The following LDB2 variants were observed in gnomAD, a reference collection of about 807,000 sequenced individuals.
The protein encoded by LDB2 is LIM domain binding 2, also known as LIM domain-binding protein 2.
LDB2 carries 12 observed loss-of-function variants against 44.3 expected under a neutral mutation model. The ratio of observed to expected loss-of-function variants is 0.27; its 90% CI spans 0.17 to 0.44. The LOEUF (loss-of-function observed/expected upper bound fraction) is 0.44. LDB2 is among the 20% of genes least tolerant of loss of function. The probability of loss-of-function intolerance (pLI) is 1.00; values close to 1 mark genes in which losing one functional copy is unlikely to be tolerated. For missense variants in LDB2, 344 were observed against 473.5 expected (o/e 0.73, Z 2.54); for synonymous variants, 164 against 174.8 (o/e 0.94, Z 0.49).
intron 1 of LDB2, chr4:16,826,358 C>G (rs1382561681): frequency 6.6e-6 from 1 of 152,112 alleles, no homozygotes; most frequent in African/African-American, 2.4e-5. Context: ...TAAACAAAAG[C>G]AAAAGGACAA....
chr4:16,640,314 A>T (rs1030038944), intron 2 of LDB2, among the ~76,000 whole-genome samples: 1 of 152,230 alleles, frequency 6.6e-6, no homozygotes, highest in African/African-American at 2.4e-5. Context: ...AGAGAACTGT[A>T]ATATAAGCTA....
chr4:16,771,687 C>G (rs1427870285), intron 1 of LDB2, among the ~76,000 whole-genome samples: 5 of 152,188 alleles, frequency 3.3e-5, no homozygotes, highest in Non-Finnish European at 5.9e-5. Flanking sequence ...AATCTGTCAG[C>G]AAATCCCATG....
At chr4:16,562,959 C>T (rs932447861) in intron 5 of LDB2, among the ~76,000 whole-genome samples, 6 of 151,700 alleles carry the variant, frequency 4.0e-5, no homozygotes, top group South Asian at 2.1e-4. Context: ...AGTAAACTAT[C>T]GCAAGGACAA....
intron 2 of LDB2, among the ~76,000 whole-genome samples, chr4:16,605,578 C>G (rs1723711341): frequency 6.6e-6 from 1 of 152,222 alleles, no homozygotes; most frequent in African/African-American, 2.4e-5. Context: ...ACAGAATTAT[C>G]AAACTCCCTT....
chr4:16,820,731 C>G (rs74613789), intron 1 of LDB2, among the ~76,000 whole-genome samples: 2,680 of 152,140 alleles, frequency 0.018, 87 homozygotes, highest in African/African-American at 0.056. Context: ...ACTCTAATCC[C>G]TTTTGTTCCA....
rs1716754668 is a variant in LDB2, at chr4:16,871,897, C to A, written c.132+26457G>T. 2.0e-5 allele frequency among the ~76,000 whole-genome samples: 3 copies of A among 152,276 alleles called. No homozygotes were observed. The South Asian group carries it at 6.2e-4, about 32-fold the overall frequency. ...TCGGCCTCCCAAAGTGCTGGGATTACAGGTGTGAGCTACCGCGCCCAGCCC... is the reference window on the plus strand; with the variant it reads ...TCGGCCTCCCAAAGTGCTGGGATTAAAGGTGTGAGCTACCGCGCCCAGCCC... On this transcript the variant is annotated intron_variant, in intron 1 of 7. Transcript: ENST00000304523.
intron 1 of LDB2, among the ~76,000 whole-genome samples, chr4:16,822,120 A>G (rs1002035496): frequency 3.9e-5 from 6 of 152,162 alleles, no homozygotes; most frequent in Non-Finnish European, 8.8e-5. Flanking sequence ...TTAAAAAAAA[A>G]AAAAAGTTGA....
chr4:16,883,930 C>T, intron 1 of LDB2, among the ~76,000 whole-genome samples: 1 of 152,232 alleles, frequency 6.6e-6, no homozygotes, highest in Admixed American at 6.5e-5. Flanking sequence ...CCATGAAAAT[C>T]CATCCTTTGC....
chr4:16,805,282 C>T (rs951970027), intron 1 of LDB2, among the ~76,000 whole-genome samples: 3 of 152,186 alleles, frequency 2.0e-5, no homozygotes, highest in African/African-American at 7.2e-5. Flanking sequence ...GCATTCGGTC[C>T]ATAATGTGGA....
chr4:16,604,222 T>C (rs2152454981), intron 2 of LDB2, among the ~76,000 whole-genome samples: 1 of 152,316 alleles, frequency 6.6e-6, no homozygotes, highest in Middle Eastern at 3.4e-3. Flanking sequence ...CTTAAGATCC[T>C]TGAATATTTT....
At chr4:16,510,292 T>G (rs537747549) in intron 6 of LDB2, among the ~76,000 whole-genome samples, 1 of 152,298 alleles carries the variant, frequency 6.6e-6, no homozygotes, top group African/African-American at 2.4e-5. Context: ...CCTAAATATT[T>G]TGTCTCTTAT....
At chr4:16,822,889 G>T (rs745505922) in intron 1 of LDB2, among the ~76,000 whole-genome samples, 1 of 152,278 alleles carries the variant, frequency 6.6e-6, no homozygotes, top group South Asian at 2.1e-4. Context: ...CATATTCCAT[G>T]TCTATTAGTA....
chr4:16,791,020 GC>G (rs1233340202), intron 1 of LDB2, among the ~76,000 whole-genome samples: 3 of 152,090 alleles, frequency 2.0e-5, no homozygotes, highest in Non-Finnish European at 2.9e-5. Context: ...AAGCCCAACT[GC>G]CTGGCTCAGA....
chr4:16,896,398 T>C (rs982930071), intron 1 of LDB2, among the ~76,000 whole-genome samples: 5 of 152,264 alleles, frequency 3.3e-5, no homozygotes, highest in South Asian at 4.1e-4. Context: ...TGGGACCATA[T>C]TGAATCCTGC....
intron 1 of LDB2, among the ~76,000 whole-genome samples, chr4:16,787,503 A>G (rs1774714561): frequency 6.6e-6 from 1 of 151,896 alleles, no homozygotes; most frequent in Admixed American, 6.6e-5. Context: ...AATCCCAGCT[A>G]CTCGGGAGGC....
At chr4:16,748,532 G>A (rs1056211898) in intron 2 of LDB2, among the ~76,000 whole-genome samples, 4 of 152,112 alleles carry the variant, frequency 2.6e-5, no homozygotes, top group Non-Finnish European at 4.4e-5. Context: ...TAATACAGTC[G>A]TAGAAGAGTG....
intron 2 of LDB2, among the ~76,000 whole-genome samples, chr4:16,620,403 T>G (rs1728558467): frequency 6.6e-6 from 1 of 152,194 alleles, no homozygotes; most frequent in African/African-American, 2.4e-5. Flanking sequence ...TGCTTAGATG[T>G]GGGAAACCAA....
intron 1 of LDB2, among the ~76,000 whole-genome samples, chr4:16,775,622 T>C (rs1031437116): frequency 2.0e-5 from 3 of 152,168 alleles, no homozygotes; most frequent in Non-Finnish European, 4.4e-5. Context: ...TCTCAGGAAA[T>C]GCATGATCCA....
In LDB2 at chr4:16,600,776, T is replaced by G. The variant is rs929353877; in HGVS notation, c.236-4901A>C. ...CGGTGTGGTGGAGGCAGGATCTAAC[T>G]TCTATCTTTTCTTGTAGGTATTACT... is the stretch of plus-strand genomic sequence containing the variant. On this transcript the variant is annotated intron_variant, in intron 2 of 7. Transcript: ENST00000304523. Among the ~76,000 whole-genome samples the G allele has an allele frequency of 2.6e-5, 4 of 152,126 alleles. No homozygotes were observed. In the South Asian group the frequency reaches 8.3e-4, roughly 32 times the overall value.
Sources: allele counts gnomAD v4.1 joint callset (sites outside exome capture counted in the v4.1 genomes callset), GRCh38; gene constraint gnomAD v4.1.1; transcripts MANE v1.5; gene names NCBI Gene and HGNC (gene_info 2026-07-23, HGNC 2026-07-21).